HMCN2: variants seen among roughly 807,000 people sequenced by gnomAD.
The protein encoded by HMCN2 is hemicentin 2.
Under a neutral mutation model 377.5 loss-of-function variants are expected in HMCN2, and 325 were observed. The ratio of observed to expected loss-of-function variants is 0.86; its 90% CI spans 0.79 to 0.94. HMCN2 has a LOEUF of 0.94. Among genes scored for constraint, HMCN2 ranks in the 40% least tolerant of loss-of-function variants. HMCN2 has a pLI of 0.00. For synonymous variants in HMCN2, 2,007 were observed against 2,046.8 expected (o/e 0.98, Z 0.53); for missense variants, 4,543 against 4,725.3 (o/e 0.96, Z 1.13).
At chr9:130,391,725 G>T (rs1488079126) in intron 65 of HMCN2, among the ~76,000 whole-genome samples, 151 bp downstream of exon 65, 1 of 152,162 alleles carries the variant, frequency 6.6e-6, no homozygotes, top group Non-Finnish European at 1.5e-5. Context: ...GGACAATAGT[G>T]CCAGCCCAGG....
intron 19 of HMCN2, among the ~76,000 whole-genome samples, chr9:130,325,361 G>T (rs1838078420): frequency 6.6e-6 from 1 of 152,172 alleles, no homozygotes; most frequent in Non-Finnish European, 1.5e-5. Context: ...CTCCCAAAGT[G>T]CTGGGATTAC....
At chr9:130,416,100 ATTTTTTT>A (rs34382467) in intron 85 of HMCN2, among the ~76,000 whole-genome samples, 2 of 130,750 alleles carry the variant, frequency 1.5e-5, no homozygotes, top group Middle Eastern at 3.9e-3. Context: ...TAGAGGCTTT[ATTTTTTT>A]TTTTTTTTTT....
chr9:130,358,553 G>A, intron 36 of HMCN2, 67 bp downstream of exon 36: 2 of 1,291,432 alleles, frequency 1.5e-6, no homozygotes, highest in African/African-American at 1.5e-5. Context: ...GACCCTTGGG[G>A]CTGAAGTGTG....
intron 23 of HMCN2, among the ~76,000 whole-genome samples, chr9:130,340,041 G>T (rs1215148075): frequency 6.6e-6 from 1 of 152,246 alleles, no homozygotes; most frequent in Non-Finnish European, 1.5e-5. Flanking sequence ...CCCTGAGGGA[G>T]GGGGGCGACT....
intron 64 of HMCN2, 29 bp from the exon 65 acceptor site, chr9:130,391,421 C>T (rs2093579867): frequency 2.0e-6 from 2 of 987,784 alleles, no homozygotes; most frequent in Middle Eastern, 2.8e-4. Context: ...CCTTACGCCT[C>T]TGCCCTGGGC....
intron 84 of HMCN2, 79 bp downstream of exon 84, chr9:130,409,012 C>T: frequency 1.0e-6 from 1 of 966,286 alleles, no homozygotes; most frequent in Non-Finnish European, 1.4e-6. Context: ...GAGGGTTCTT[C>T]CTATTGCCCC....
intron 50 of HMCN2, 67 bp from the exon 51 acceptor site, chr9:130,375,809 A>G: frequency 1.0e-6 from 1 of 978,282 alleles, no homozygotes; most frequent in Non-Finnish European, 1.2e-6. Flanking sequence ...AGGACCTGTG[A>G]GCCTGTCCTC....
At chr9:130,325,243 G>A (rs1250180698) in intron 19 of HMCN2, among the ~76,000 whole-genome samples, 1 of 151,454 alleles carries the variant, frequency 6.6e-6, no homozygotes, top group Non-Finnish European at 1.5e-5. Context: ...TACAAGGCAT[G>A]CACCACCATG....
rs1041039886 is a variant in HMCN2 at position 130,392,134 on chromosome 9, G to A, written c.10136+16G>A. 9.1e-6 allele frequency: 9 copies of A among 988,054 alleles called. No homozygotes were observed. Among genetic ancestry groups the A allele is most frequent in the Non-Finnish European group, 1.1e-5 (9 of 830,090 alleles). The allele number at this position is 988,054 out of a possible 1,614,324, so 61.2% of individuals were successfully genotyped here. A position where few individuals can be genotyped will look rare whatever the true frequency, so the allele number is the denominator to read the frequency against. ...ACACCCTCAGGTAGGGGAGACGGTG[G>A]ACAGGCCTTGGCTATTCCACTCAGA... On this transcript the variant is annotated intron_variant, in intron 66 of 97. Coordinates refer to ENST00000683500, the MANE Select transcript of HMCN2 (RefSeq NM_001291815.2).
chr9:130,432,519 C>T lies in HMCN2; in HGVS notation c.14858C>T (p.Pro4953Leu), dbSNP rs1184700827. ...TRGSYQCVDT[P>L]CPATYRQGPS... The stretch of plus-strand genomic sequence containing the variant: ...GGCAGCTACCAGTGTGTGGACACAC[C>T]CTGTCCTGCCACCTACCGGCAGGGC... The change falls in exon 97 of 98, where the codon CCC becomes CTC. Residue 4953 changes from proline to leucine, a missense_variant. By Grantham distance (98) the Pro-to-Leu change is moderately conservative. Transcript: ENST00000683500. 6 of 1,550,438 alleles carry T rather than the reference C, an allele frequency of 3.9e-6. No individual in the cohort carries two copies. The highest frequency in any genetic ancestry group is 1.4e-5 in the African/African-American group (1 of 73,034).
intron 19 of HMCN2, among the ~76,000 whole-genome samples, chr9:130,324,160 A>G (rs1450383690): frequency 2.0e-5 from 3 of 152,150 alleles, no homozygotes; most frequent in Non-Finnish European, 4.4e-5. Flanking sequence ...GTCCTCATTA[A>G]ACATTAGCTC....
intron 8 of HMCN2, among the ~76,000 whole-genome samples, chr9:130,302,643 C>T (rs531726899): frequency 1.1e-4 from 16 of 152,286 alleles, no homozygotes; most frequent in African/African-American, 3.6e-4. Context: ...CACTTCTCAC[C>T]AGCTCCTCCA....
At position 130,307,517 on chromosome 9, in the gene HMCN2, G is replaced by A. The variant is rs782529965; in HGVS notation, c.2151G>A (p.Leu717=). 2.1e-6 allele frequency: 1 copy of A among 471,068 alleles called. No homozygotes were observed. The highest frequency in any genetic ancestry group is 4.4e-6 in the Non-Finnish European group (1 of 227,066). The allele number at this position is 471,068 out of a possible 1,614,324, so 29.2% of individuals were successfully genotyped here. Residue 717 remains leucine (L), a synonymous_variant, in exon 14 of 98, where the codon TTG becomes TTA. Coordinates refer to ENST00000683500, the MANE Select transcript of HMCN2 (RefSeq NM_001291815.2). Reference sequence around the variant, plus strand: ...TGGCCGTTGGGGAGGAGGCTGTGTTGGTGTGTGAGGCATCTGGGGTTCCCC... The same window carrying A: ...TGGCCGTTGGGGAGGAGGCTGTGTTAGTGTGTGAGGCATCTGGGGTTCCCC... The part of the protein sequence containing the change: ...VLVAVGEEAV[L]VCEASGVPPP...
intron 81 of HMCN2, among the ~76,000 whole-genome samples, chr9:130,405,305 G>T (rs552039958): frequency 1.6e-4 from 24 of 152,368 alleles, no homozygotes; most frequent in Admixed American, 1.4e-3. Context: ...AGGGAACTCG[G>T]ACTAGGGCTC....
At chr9:130,378,007 C>G (rs1841486502) in intron 53 of HMCN2, among the ~76,000 whole-genome samples, 1 of 152,162 alleles carries the variant, frequency 6.6e-6, no homozygotes, top group African/African-American at 2.4e-5. Flanking sequence ...GGCTGTGGCC[C>G]CAAACCACAG....
chr9:130,314,025 C>G (rs1016342893), intron 15 of HMCN2, among the ~76,000 whole-genome samples: 14 of 152,138 alleles, frequency 9.2e-5, no homozygotes, highest in Admixed American at 9.2e-4. Flanking sequence ...GATGATCCAC[C>G]TACCTTGGGC....
rs1011748461 is a variant in HMCN2, at chr9:130,393,439, G to A, written c.10234+130G>A. 7.8e-6 allele frequency: 4 copies of A among 512,354 alleles called. No individual in the cohort carries two copies. Among genetic ancestry groups the A allele is most frequent in the Non-Finnish European group, 1.0e-5 (4 of 386,094 alleles). The allele number at this position is 512,354 out of a possible 1,614,324, so 31.7% of individuals were successfully genotyped here. Reference sequence around the variant, plus strand: ...GGGCGTCGAGGAGAGCGGACACTGCGGCTCAGTCTCTGACTCACTGTATTG... The same window carrying A: ...GGGCGTCGAGGAGAGCGGACACTGCAGCTCAGTCTCTGACTCACTGTATTG... On this transcript the variant is annotated intron_variant, in intron 67 of 97. Coordinates refer to ENST00000683500, the MANE Select transcript of HMCN2 (RefSeq NM_001291815.2). The surrounding 1 kb of genome is among the most constrained non-coding windows in gnomAD (Gnocchi z 5.2).
intron 61 of HMCN2, among the ~76,000 whole-genome samples, chr9:130,388,007 G>A (rs967365273): frequency 2.0e-5 from 3 of 152,212 alleles, no homozygotes; most frequent in African/African-American, 4.8e-5. Flanking sequence ...TTGATGAACA[G>A]TGGAAAGGGG....
At chr9:130,286,697 G>A (rs993416564) in intron 4 of HMCN2, among the ~76,000 whole-genome samples, 1 of 152,250 alleles carries the variant, frequency 6.6e-6, no homozygotes, top group African/African-American at 2.4e-5. Flanking sequence ...TCTTCTGAGT[G>A]TCTCCCCAGA....
Sources: allele counts gnomAD v4.1 joint callset (sites outside exome capture counted in the v4.1 genomes callset), GRCh38; gene constraint gnomAD v4.1.1; non-coding constraint Gnocchi (gnomAD v3.1); transcripts MANE v1.5; gene names NCBI Gene and HGNC (gene_info 2026-07-23, HGNC 2026-07-21).